The following MINAR1 variants were observed in gnomAD, a reference collection of about 807,000 sequenced individuals.
MINAR1 encodes major intrinsically disordered Notch2-binding receptor 1.
A neutral mutation model predicts 65.1 loss-of-function variants in MINAR1; 40 were observed. That is an observed-to-expected ratio of 0.61 (90% CI 0.48 to 0.80). The LOEUF (loss-of-function observed/expected upper bound fraction) is 0.80. MINAR1 is among the 30% of genes least tolerant of loss of function. The pLI is 0.00. For missense variants in MINAR1, 1,128 were observed against 1,148.0 expected (o/e 0.98, Z 0.25); for synonymous variants, 482 against 449.1 (o/e 1.07, Z -0.93).
At chr15:79,434,603 C>T (rs757167710) in intron 1 of MINAR1, among the ~76,000 whole-genome samples, 40 of 152,208 alleles carry the variant, frequency 2.6e-4, no homozygotes, top group African/African-American at 9.6e-4. Flanking sequence ...TCTGCTCCAG[C>T]CAGGTGGTAA....
chr15:79,463,521 T>C (rs1489960964), intron 3 of MINAR1, among the ~76,000 whole-genome samples, 200 bp downstream of exon 3: 1 of 152,230 alleles, frequency 6.6e-6, no homozygotes, highest in Non-Finnish European at 1.5e-5. Flanking sequence ...TTTGCTTATT[T>C]GTAAACATTT....
chr15:79,434,798 A>G (rs539009568), intron 1 of MINAR1, among the ~76,000 whole-genome samples: 60 of 152,352 alleles, frequency 3.9e-4, no homozygotes, highest in African/African-American at 1.3e-3. Flanking sequence ...AGGCAGAGAC[A>G]GTTGGCTTCC....
rs577519327 is a variant in MINAR1, at chr15:79,471,420, C to CA, written c.*3042dup. On this transcript the variant is annotated 3_prime_UTR_variant, in exon 4 of 4. Transcript: ENST00000305428. ...TTTTGAACACAGCCTTGCAGAAAAG[C>CA]AAAAAATATTTCCCCGCTCAAATTT... The CA allele has an allele frequency of 6.6e-6, 1 of 152,484 alleles. No individual in the cohort carries two copies. The highest frequency in any genetic ancestry group is 1.5e-5 in the Non-Finnish European group (1 of 68,000). The allele number at this position is 152,484 out of a possible 1,614,324, so 9.4% of individuals were successfully genotyped here.
At chr15:79,431,313 C>T (rs1012610327), upstream of MINAR1, among the ~76,000 whole-genome samples, 1 of 152,140 alleles carries the variant, frequency 6.6e-6, no homozygotes, top group Non-Finnish European at 1.5e-5. Context: ...GTGCTGTTAA[C>T]GTGAGCTTCC....
the MINAR1 span, chr15:79,411,518 G>C: frequency 2.7e-3 from 1,928 of 701,718 alleles, 1 homozygote; most frequent in Non-Finnish European, 3.9e-3. Context: ...ATTTTCAGCG[G>C]GGAGGCACTG....
At chr15:79,440,065 A>G (rs1326222837) in intron 1 of MINAR1, among the ~76,000 whole-genome samples, 1 of 152,134 alleles carries the variant, frequency 6.6e-6, no homozygotes, top group Non-Finnish European at 1.5e-5. Flanking sequence ...ACCATGGATC[A>G]TTAGCCCCAA....
At position 79,457,622 on chromosome 15, in the gene MINAR1, C is replaced by T. The variant is rs2141295888; in HGVS notation, c.1475C>T (p.Thr492Ile). The change falls in exon 2 of 4, where the codon ACC becomes ATC. Residue 492 changes from threonine to isoleucine, a missense_variant. Transcript: ENST00000305428. The stretch of plus-strand genomic sequence containing the variant: ...CCCAAGAAATGCAGAGACCTGTGCA[C>T]CTCTGGTCAGGGCAAGTACAGTGAC... ...LEPKKCRDLC[T>I]SGQGKYSDRH... 6.2e-7 allele frequency: 1 copy of T among 1,614,172 alleles called. No homozygotes were observed. The highest frequency in any genetic ancestry group is 8.5e-7 in the Non-Finnish European group (1 of 1,180,026).
rs562244553 is a variant in MINAR1, at chr15:79,450,796, C to T, written c.-50-5302C>T. 6.6e-5 allele frequency among the ~76,000 whole-genome samples: 10 copies of T among 152,172 alleles called. No homozygotes were observed. In the South Asian group the frequency reaches 8.3e-4, roughly 13 times the overall value. ...AGAATAGAGTCATTTTTCAAAAATA[C>T]TCCTTTTTTATAACCTGCAGAGGGT... On this transcript the variant is annotated intron_variant, in intron 1 of 3. Transcript: ENST00000305428.
upstream of MINAR1, among the ~76,000 whole-genome samples, chr15:79,427,975 T>A (rs936052914): frequency 6.6e-6 from 1 of 152,298 alleles, no homozygotes; most frequent in East Asian, 1.9e-4. Context: ...TGTAAAAATG[T>A]GTACTGCTTG....
chr15:79,417,863 C>A, the MINAR1 span: 6 of 152,194 alleles, frequency 3.9e-5, no homozygotes, highest in Non-Finnish European at 8.8e-5. Context: ...GTTGGAAATG[C>A]CTGCAGAGAC....
At chr15:79,445,882 A>G (rs1444674364) in intron 1 of MINAR1, among the ~76,000 whole-genome samples, 1 of 152,202 alleles carries the variant, frequency 6.6e-6, no homozygotes, top group African/African-American at 2.4e-5. Context: ...TCCTGTAGGT[A>G]GTCTTTGCAT....
At chr15:79,442,167 C>A (rs112175363) in intron 1 of MINAR1, among the ~76,000 whole-genome samples, 2,307 of 151,392 alleles carry the variant, frequency 0.015, 58 homozygotes, top group African/African-American at 0.053. Context: ...TGTGGAAAAC[C>A]CTTTCACTAC....
At chr15:79,426,398 T>A in the MINAR1 span, 1 of 152,268 alleles carries the variant, frequency 6.6e-6, no homozygotes, top group Non-Finnish European at 1.5e-5. Flanking sequence ...TCGGGCCACT[T>A]GCCCGTGCCC....
At chr15:79,449,108 C>G (rs1167402327) in intron 1 of MINAR1, among the ~76,000 whole-genome samples, 1 of 152,166 alleles carries the variant, frequency 6.6e-6, no homozygotes, top group Non-Finnish European at 1.5e-5. Flanking sequence ...AGACTATTAC[C>G]TAGTGGAAAT....
chr15:79,442,701 T>C (rs1894906139), intron 1 of MINAR1, among the ~76,000 whole-genome samples: 1 of 151,940 alleles, frequency 6.6e-6, no homozygotes, highest in South Asian at 2.1e-4. Flanking sequence ...TATATAAATT[T>C]TCTTTTAGCT....
intron 1 of MINAR1, among the ~76,000 whole-genome samples, chr15:79,444,802 C>G (rs1336928653): frequency 6.6e-6 from 1 of 150,740 alleles, no homozygotes; most frequent in Non-Finnish European, 1.5e-5. Flanking sequence ...GATATAAATT[C>G]ATTTTTTTAA....
rs1468404803 is a variant in MINAR1, at chr15:79,471,003, C to G, written c.*2619C>G. ...CTCACCCCAGCCTTCCTTCCCTGACCCTGAGACTCACCCTATCTATCTCCC... is the reference window on the plus strand; with the variant it reads ...CTCACCCCAGCCTTCCTTCCCTGACGCTGAGACTCACCCTATCTATCTCCC... On this transcript the variant is annotated 3_prime_UTR_variant, in exon 4 of 4. Coordinates refer to ENST00000305428, the MANE Select transcript of MINAR1 (RefSeq NM_015206.3). 6.6e-6 allele frequency: 1 copy of G among 152,198 alleles called. No homozygotes were observed. Among genetic ancestry groups the G allele is most frequent in the African/African-American group, 2.4e-5 (1 of 41,440 alleles). 9.4% of individuals were successfully genotyped at this position (152,198 alleles called of 1,614,324 possible).
rs1362310886 is a variant in MINAR1 at position 79,457,399 on chromosome 15, A to C, written c.1252A>C (p.Lys418Gln). Residue 418 changes from lysine (K) to glutamine (Q), a missense_variant, in exon 2 of 4, where the codon AAG (lysine) becomes CAG (glutamine). Physicochemically the swap from Lys to Gln is moderately conservative, Grantham distance 53. Coordinates refer to ENST00000305428, the MANE Select transcript of MINAR1 (RefSeq NM_015206.3). ...PERRPTYLVPKDQQPILPIAY... is the reference protein window; with the variant it reads ...PERRPTYLVPQDQQPILPIAY... ...AAGGCGCCCAACTTACCTTGTGCCA[A>C]AGGATCAACAGCCAATTCTCCCCAT... is the stretch of plus-strand genomic sequence containing the variant. 6.2e-7 allele frequency: 1 copy of C among 1,614,084 alleles called. No homozygotes were observed. The highest frequency in any genetic ancestry group is 8.5e-7 in the Non-Finnish European group (1 of 1,180,042).
chr15:79,458,209 GGGAGCAACA>G lies in MINAR1; in HGVS notation c.2064_2072del (p.Ser689_Ser691del). The G allele has an allele frequency of 6.2e-7, 1 of 1,614,064 alleles. No individual in the cohort carries two copies. The highest frequency in any genetic ancestry group is 8.5e-7 in the Non-Finnish European group (1 of 1,180,018). ...TGACTGGTGCTGCTCTGATGCTAGC[GGGAGCAACA>G]GTGAAAGCCTGCGGGTCAAGGCCTT... On this transcript the variant is annotated inframe_deletion, in exon 2 of 4. Coordinates refer to ENST00000305428, the MANE Select transcript of MINAR1 (RefSeq NM_015206.3).
Sources: allele counts gnomAD v4.1 joint callset (sites outside exome capture counted in the v4.1 genomes callset), GRCh38; gene constraint gnomAD v4.1.1; transcripts MANE v1.5; gene names NCBI Gene and HGNC (gene_info 2026-07-23, HGNC 2026-07-21).